The following SUGCT variants were observed in gnomAD, a reference collection of about 807,000 sequenced individuals.
SUGCT encodes the protein succinyl-CoA:glutarate CoA-transferase.
A neutral mutation model predicts 55.0 loss-of-function variants in SUGCT; 41 were observed. That is an observed-to-expected ratio of 0.74 (90% CI 0.58 to 0.97). SUGCT has a LOEUF of 0.97. SUGCT is among the 50% of genes least tolerant of loss of function. The pLI is 0.00. For synonymous variants in SUGCT, 187 were observed against 200.4 expected, an observed-to-expected ratio of 0.93 and a Z score of 0.56; for missense variants, 568 against 547.8, an observed-to-expected ratio of 1.04 and a Z score of -0.37.
the SUGCT span, among the ~76,000 whole-genome samples, chr7:40,890,826 A>G: frequency 6.6e-6 from 1 of 152,244 alleles, no homozygotes; most frequent in Admixed American, 6.5e-5. Context: ...AAAGAAATGG[A>G]TATCTATGAA....
At chr7:40,643,219 T>A (rs941493025) in intron 12 of SUGCT, among the ~76,000 whole-genome samples, 8 of 152,188 alleles carry the variant, frequency 5.3e-5, no homozygotes, top group African/African-American at 1.7e-4. Flanking sequence ...TAGACTGGTA[T>A]TAATAATATA....
intron 13 of SUGCT, among the ~76,000 whole-genome samples, chr7:40,805,720 G>A (rs1791055158): frequency 6.6e-6 from 1 of 152,196 alleles, no homozygotes; most frequent in African/African-American, 2.4e-5. Context: ...CTTGCAAAGA[G>A]GCAGGCAATT....
chr7:40,846,732 A>G (rs1162405615), intron 13 of SUGCT, among the ~76,000 whole-genome samples: 3 of 152,210 alleles, frequency 2.0e-5, no homozygotes, highest in Non-Finnish European at 4.4e-5. Context: ...CTGATATGAG[A>G]GCAGATTTTC....
At chr7:40,276,709 A>G (rs77786619) in intron 8 of SUGCT, among the ~76,000 whole-genome samples, 2,826 of 152,278 alleles carry the variant, frequency 0.019, 84 homozygotes, top group African/African-American at 0.065. Context: ...TGGAATCACC[A>G]TAGGGCTGCT....
At chr7:40,551,233 C>T (rs144346198) in intron 12 of SUGCT, among the ~76,000 whole-genome samples, 208 of 152,248 alleles carry the variant, frequency 1.4e-3, no homozygotes, top group African/African-American at 4.8e-3. Flanking sequence ...TCCTTAGTGA[C>T]GGTTTTGGCC....
downstream of SUGCT, among the ~76,000 whole-genome samples, chr7:40,864,178 A>G (rs2128811431): frequency 6.6e-6 from 1 of 152,236 alleles, no homozygotes; most frequent in Non-Finnish European, 1.5e-5. Flanking sequence ...TCAACATCTC[A>G]GTTGCCTGGG....
intron 9 of SUGCT, among the ~76,000 whole-genome samples, chr7:40,413,332 T>C (rs921544489): frequency 6.6e-6 from 1 of 152,118 alleles, no homozygotes. Context: ...TGCTTGGCTG[T>C]GTCTGGCCTC....
At chr7:40,580,772 T>A (rs1323097107) in intron 12 of SUGCT, among the ~76,000 whole-genome samples, 1 of 152,198 alleles carries the variant, frequency 6.6e-6, no homozygotes, top group Non-Finnish European at 1.5e-5. Context: ...TTACTGTACT[T>A]TTTTATGTTT....
rs370820303 is a variant in SUGCT at position 40,809,354 on chromosome 7, C to G, written c.1154-50962C>G. Among the ~76,000 whole-genome samples, 196 of 152,154 alleles carry G rather than the reference C, an allele frequency of 1.3e-3. 6 individuals carry two copies. In the South Asian group the frequency reaches 0.039, roughly 30 times the overall value. On this transcript the variant is annotated intron_variant, in intron 13 of 13. Coordinates refer to ENST00000335693, the MANE Select transcript of SUGCT (RefSeq NM_001193313.2). ...TTACCATATATGCCAATGATATTTT[C>G]TATTAGTGTGGGCAAATCAAAATGG...
chr7:40,696,888 A>G (rs1027720130), intron 12 of SUGCT, among the ~76,000 whole-genome samples: 1 of 152,198 alleles, frequency 6.6e-6, no homozygotes, highest in Non-Finnish European at 1.5e-5. Context: ...GGAATATGAA[A>G]ACAGCTGTCA....
chr7:40,322,019 A>G (rs897580726), intron 9 of SUGCT, among the ~76,000 whole-genome samples: 5 of 152,172 alleles, frequency 3.3e-5, no homozygotes, highest in African/African-American at 1.2e-4. Flanking sequence ...ACTGTTCTCC[A>G]TAGAAGTTGT....
At chr7:40,253,028 C>T (rs1479501132) in intron 7 of SUGCT, among the ~76,000 whole-genome samples, 1 of 152,146 alleles carries the variant, frequency 6.6e-6, no homozygotes, top group African/African-American at 2.4e-5. Flanking sequence ...TTTTTATCAG[C>T]AATTGTGTAA....
chr7:40,805,363 G>A (rs1022799938), intron 13 of SUGCT, among the ~76,000 whole-genome samples: 2 of 152,100 alleles, frequency 1.3e-5, no homozygotes, highest in Non-Finnish European at 1.5e-5. Context: ...AAGTTCTCAT[G>A]CAATTTTCAT....
intron 12 of SUGCT, among the ~76,000 whole-genome samples, chr7:40,740,816 T>A (rs934640259): frequency 2.0e-5 from 3 of 152,154 alleles, no homozygotes; most frequent in African/African-American, 7.2e-5. Flanking sequence ...AAATATGTCA[T>A]AAAAAGCGAA....
intron 12 of SUGCT, among the ~76,000 whole-genome samples, chr7:40,705,834 C>T (rs1785371894): frequency 6.6e-6 from 1 of 152,138 alleles, no homozygotes; most frequent in Admixed American, 6.6e-5. Flanking sequence ...GGCTCCTTTC[C>T]ATGGTGGCAT....
At position 40,213,665 on chromosome 7, in the gene SUGCT, C is replaced by G. The variant is rs113337385; in HGVS notation, c.484+18605C>G. Among the ~76,000 whole-genome samples the G allele has an allele frequency of 1.1e-4, 16 of 152,290 alleles. 1 individual carries two copies. The highest frequency in any genetic ancestry group is 3.6e-4 in the African/African-American group (15 of 41,564). The stretch of plus-strand genomic sequence containing the variant: ...TGTGGAGTATCTCTATTATTTGTAA[C>G]TGTTCTGAAAGCAACATTTGTTCCT... On this transcript the variant is annotated intron_variant, in intron 6 of 13. Coordinates refer to ENST00000335693, the MANE Select transcript of SUGCT (RefSeq NM_001193313.2).
At chr7:40,610,178 T>C (rs1435873258) in intron 12 of SUGCT, among the ~76,000 whole-genome samples, 2 of 152,222 alleles carry the variant, frequency 1.3e-5, no homozygotes, top group Non-Finnish European at 1.5e-5. Context: ...CAGCCATTGC[T>C]CTGGAAGGGA....
intron 9 of SUGCT, among the ~76,000 whole-genome samples, chr7:40,348,331 C>A (rs1262088942): frequency 6.6e-6 from 1 of 152,210 alleles, no homozygotes; most frequent in African/African-American, 2.4e-5. Context: ...GTGGAATTTT[C>A]TGCTCTGACC....
chr7:40,362,349 G>T (rs775885706), intron 9 of SUGCT, among the ~76,000 whole-genome samples: 27 of 151,998 alleles, frequency 1.8e-4, no homozygotes, highest in Admixed American at 9.2e-4. Flanking sequence ...AACCCAGGAG[G>T]CAGAAGTTGC....
Sources: gnomAD v4.1 joint callset for allele counts (sites outside exome capture counted in the v4.1 genomes callset) on GRCh38, gnomAD v4.1.1 for gene constraint, MANE v1.5 for transcripts, NCBI Gene and HGNC (gene_info 2026-07-23, HGNC 2026-07-21) for gene names.